The following PRKDC variants were observed in gnomAD, a reference collection of about 807,000 sequenced individuals.
PRKDC encodes protein kinase, DNA-activated, catalytic subunit.
Under a neutral mutation model 486.9 loss-of-function variants are expected in PRKDC, and 82 were observed. That is an observed-to-expected ratio of 0.17 (90% CI 0.14 to 0.20). PRKDC has a LOEUF of 0.20. PRKDC is among the 10% of genes least tolerant of loss of function. The pLI, the probability that PRKDC is intolerant of heterozygous loss-of-function variation, is 1.00. For synonymous variants in PRKDC, 1,895 were observed against 1,837.0 expected (o/e 1.03, Z -0.81); for missense variants, 4,504 against 5,038.2 (o/e 0.89, Z 3.21).
intron 61 of PRKDC, among the ~76,000 whole-genome samples, chr8:47,829,115 T>A (rs2087806090): frequency 1.3e-5 from 2 of 152,230 alleles, no homozygotes; most frequent in South Asian, 4.1e-4. Context: ...CTAGGGATCT[T>A]CCCTGTTAAT....
chr8:47,783,700 G>A (rs762986247), intron 78 of PRKDC, 42 bp downstream of exon 78: 3 of 1,598,502 alleles, frequency 1.9e-6, no homozygotes, highest in African/African-American at 1.3e-5. Context: ...TCTGAAGAAC[G>A]TTCATCAGGA....
At chr8:47,861,518 G>C (rs2088677423) in intron 44 of PRKDC, among the ~76,000 whole-genome samples, 1 of 152,224 alleles carries the variant, frequency 6.6e-6, no homozygotes, top group African/African-American at 2.4e-5. Flanking sequence ...GTCAGCAGCT[G>C]TGTGGGGAAA....
chr8:47,844,032 A>G (rs1466240388), intron 54 of PRKDC, among the ~76,000 whole-genome samples: 1 of 152,198 alleles, frequency 6.6e-6, no homozygotes, highest in Non-Finnish European at 1.5e-5. Context: ...CAGGATCAAA[A>G]CCTCACATAT....
At chr8:47,896,728 T>A (rs903962090) in intron 30 of PRKDC, among the ~76,000 whole-genome samples, 3 of 151,362 alleles carry the variant, frequency 2.0e-5, no homozygotes, top group African/African-American at 7.3e-5. Flanking sequence ...TCTCCACACA[T>A]GGCACAGGGC....
intron 80 of PRKDC, among the ~76,000 whole-genome samples, chr8:47,780,266 T>C (rs2086676501): frequency 6.6e-6 from 1 of 152,156 alleles, no homozygotes; most frequent in Non-Finnish European, 1.5e-5. Context: ...ACACAATCCA[T>C]AGTAAGTATG....
At chr8:47,815,610 T>C (rs1196264446) in intron 68 of PRKDC, among the ~76,000 whole-genome samples, 1 of 152,180 alleles carries the variant, frequency 6.6e-6, no homozygotes, top group East Asian at 1.9e-4. Context: ...AAAATTTGAA[T>C]CCCTGAGTCT....
Position 47,864,730 on chromosome 8 carries a change from T to C in PRKDC, c.5397A>G (p.Glu1799=). 3.1e-6 allele frequency: 5 copies of C among 1,603,042 alleles called. No homozygotes were observed. Among genetic ancestry groups the C allele is most frequent in the Non-Finnish European group, 4.3e-6 (5 of 1,174,134 alleles). Reference sequence around the variant, plus strand: ...CCTTCCTGAACATTTCATACACGCTTTCCAGAAGGCCTACTTGTGTGACAC... The same window carrying C: ...CCTTCCTGAACATTTCATACACGCTCTCCAGAAGGCCTACTTGTGTGACAC... ...GSCVTQVGLL[E]SVYEMFRKDD... Residue 1799 remains glutamate, a synonymous_variant, in exon 41 of 86, where the codon GAA becomes GAG. Transcript: ENST00000314191.
At chr8:47,902,870 C>A in intron 26 of PRKDC, 75 bp from the exon 27 acceptor site, 1 of 1,097,486 alleles carries the variant, frequency 9.1e-7, no homozygotes. Context: ...TGGTCTATCT[C>A]TGAGCATAAC....
At chr8:47,779,374 T>C (rs1363802301) in intron 80 of PRKDC, 3 of 304,532 alleles carry the variant, frequency 9.9e-6, no homozygotes, top group Admixed American at 4.7e-5. Context: ...CCCACTGACA[T>C]AGAGAGGAAT....
Position 47,782,309 on chromosome 8 carries a change from AG to A in PRKDC, c.11397-56del. The stretch of plus-strand genomic sequence containing the variant: ...AAACCCAAACTGCTCTTTCTTCACT[AG>A]AAAAACAGTCCCGTGGACGCCAAGC... On this transcript the variant is annotated intron_variant, in intron 79 of 85. Transcript: ENST00000314191. This position sits in a 1 kb window ranked among gnomAD's most constrained non-coding sequence, Gnocchi z 4.9. The A allele has an allele frequency of 6.2e-7, 1 of 1,611,424 alleles. No individual in the cohort carries two copies.
chr8:47,944,114 A>G, intron 7 of PRKDC, 85 bp from the exon 8 acceptor site: 3 of 1,093,594 alleles, frequency 2.7e-6, no homozygotes, highest in Non-Finnish European at 4.1e-6. Context: ...ACCTATATTA[A>G]CCCCATTAAT....
At position 47,799,367 on chromosome 8, in the gene PRKDC, T is replaced by C; in HGVS notation, c.10140A>G (p.Arg3380=). 6.3e-7 allele frequency: 1 copy of C among 1,587,716 alleles called. No individual in the cohort carries two copies. Among genetic ancestry groups the C allele is most frequent in the Non-Finnish European group, 8.6e-7 (1 of 1,169,318 alleles). The part of the protein sequence containing the change: ...SEKVIAGLYQ[R]AFQHLSEAVQ... ...CAGCCTCAGAGAGGTGCTGGAATGC[T>C]CTCTGGTACAGACCCGCGATCACCT... Residue 3380 remains arginine, a synonymous_variant, in exon 72 of 86, where the codon AGA becomes AGG. Coordinates refer to ENST00000314191, the MANE Select transcript of PRKDC (RefSeq NM_006904.7).
intron 38 of PRKDC, 53 bp from the exon 39 acceptor site, chr8:47,879,711 T>C: frequency 7.3e-7 from 1 of 1,378,924 alleles, no homozygotes; most frequent in Non-Finnish European, 9.6e-7. Flanking sequence ...TTATATATCC[T>C]ACAGAATAAA....
chr8:47,808,912 C>T (rs1038657380), intron 68 of PRKDC, among the ~76,000 whole-genome samples: 17 of 152,004 alleles, frequency 1.1e-4, no homozygotes, highest in Admixed American at 4.6e-4. Flanking sequence ...TGGCGTGAGC[C>T]TGTATTCCCA....
At chr8:47,812,504 A>C (rs1388819466) in intron 68 of PRKDC, among the ~76,000 whole-genome samples, 2 of 152,208 alleles carry the variant, frequency 1.3e-5, no homozygotes, top group African/African-American at 2.4e-5. Context: ...AAATTAAAAC[A>C]CTTAAATATT....
chr8:47,829,007 A>G (rs1384361080), intron 61 of PRKDC, among the ~76,000 whole-genome samples: 1 of 152,218 alleles, frequency 6.6e-6, no homozygotes, highest in Non-Finnish European at 1.5e-5. Context: ...CTGTGACATC[A>G]GCGCCAACAA....
In PRKDC at chr8:47,953,859, A is replaced by G; in HGVS notation, c.569T>C (p.Ile190Thr). 1 of 1,569,228 alleles carries G rather than the reference A, an allele frequency of 6.4e-7. No individual in the cohort carries two copies. The highest frequency in any genetic ancestry group is 2.3e-5 in the East Asian group (1 of 43,440). Residue 190 changes from isoleucine to threonine, a missense_variant, in exon 6 of 86, where the codon ATA becomes ACA. Transcript: ENST00000314191. ...GCGGAACAGGTTTTCTGCATTATTT[A>G]TCATCTCACTAGGATGAACTTCACC... Reference protein sequence around the residue: ...LLGEVHPSEMINNAENLFRAF... With the variant: ...LLGEVHPSEMTNNAENLFRAF...
intron 77 of PRKDC, chr8:47,784,038 C>T (rs2086747187): frequency 4.1e-6 from 2 of 491,934 alleles, no homozygotes; most frequent in South Asian, 4.3e-5. Flanking sequence ...GCGAGCAGAT[C>T]ATGAGGTCAG....
At chr8:47,791,427 A>G (rs1056750323) in intron 74 of PRKDC, among the ~76,000 whole-genome samples, 2 of 152,170 alleles carry the variant, frequency 1.3e-5, no homozygotes, top group African/African-American at 4.8e-5. Flanking sequence ...GTGAGCAGAG[A>G]TTGCGCCACT....
Sources: allele counts gnomAD v4.1 joint callset (sites outside exome capture counted in the v4.1 genomes callset), GRCh38; gene constraint gnomAD v4.1.1; non-coding constraint Gnocchi (gnomAD v3.1); transcripts MANE v1.5; gene names NCBI Gene and HGNC (gene_info 2026-07-23, HGNC 2026-07-21).